ADAMTSL1: variants seen among roughly 807,000 people sequenced by gnomAD.
ADAMTSL1 encodes the protein ADAMTS-like protein 1.
A neutral mutation model predicts 201.8 loss-of-function variants in ADAMTSL1; 126 were observed. That is an observed-to-expected ratio of 0.62 (90% CI 0.54 to 0.72). ADAMTSL1 has a LOEUF of 0.72. Among genes scored for constraint, ADAMTSL1 ranks in the 30% least tolerant of loss-of-function variants. The probability of loss-of-function intolerance (pLI) is 0.00; values close to 1 mark genes in which losing one functional copy is unlikely to be tolerated. For missense variants in ADAMTSL1, 2,679 were observed against 2,277.8 expected (o/e 1.18, Z -3.59); for synonymous variants, 1,121 against 903.4 (o/e 1.24, Z -4.32).
intron 5 of ADAMTSL1, among the ~76,000 whole-genome samples, chr9:18,625,076 G>T (rs1429495450): frequency 6.6e-6 from 1 of 152,110 alleles, no homozygotes; most frequent in Non-Finnish European, 1.5e-5. Flanking sequence ...CGACCCACTG[G>T]CAGGGAACAT....
At chr9:18,802,003 A>G (rs1489688342) in intron 20 of ADAMTSL1, among the ~76,000 whole-genome samples, 3 of 152,188 alleles carry the variant, frequency 2.0e-5, no homozygotes, top group Admixed American at 6.5e-5. Context: ...GTGGCCGGGC[A>G]CAGTGACTCA....
intron 2 of ADAMTSL1, among the ~76,000 whole-genome samples, chr9:18,272,657 G>T (rs1015425689): frequency 6.6e-6 from 1 of 152,154 alleles, no homozygotes. Flanking sequence ...CTAAGAGAAG[G>T]CACACATGTT....
chr9:17,945,498 T>C (rs1827423217), intron 1 of ADAMTSL1, among the ~76,000 whole-genome samples: 1 of 151,846 alleles, frequency 6.6e-6, no homozygotes, highest in Non-Finnish European at 1.5e-5. Flanking sequence ...ATCATGTGGC[T>C]GTAAAGACAC....
chr9:18,085,509 C>CAT (rs140122832), intron 1 of ADAMTSL1, among the ~76,000 whole-genome samples: 53 of 144,884 alleles, frequency 3.7e-4, no homozygotes, highest in East Asian at 8.3e-4. Flanking sequence ...ACTGTGTGTG[C>CAT]ATATATATAT....
intron 2 of ADAMTSL1, among the ~76,000 whole-genome samples, chr9:18,289,017 A>G (rs896538404): frequency 2.0e-5 from 3 of 152,236 alleles, no homozygotes; most frequent in African/African-American, 7.2e-5. Context: ...TTTAAACTGT[A>G]AATTATATGA....
At chr9:18,476,672 T>A (rs1049818010) in intron 1 of ADAMTSL1, among the ~76,000 whole-genome samples, 2 of 121,292 alleles carry the variant, frequency 1.6e-5, no homozygotes, top group Non-Finnish European at 4.3e-5. Flanking sequence ...TCCTATAGTC[T>A]TTTTTTTGTT....
At chr9:18,268,513 CTA>C (rs1274025187) in intron 2 of ADAMTSL1, among the ~76,000 whole-genome samples, 16 of 152,146 alleles carry the variant, frequency 1.1e-4, no homozygotes, top group African/African-American at 3.9e-4. Flanking sequence ...ACATTGAAAA[CTA>C]TGACACATGT....
chr9:18,595,969 C>G (rs1311783009), intron 4 of ADAMTSL1, among the ~76,000 whole-genome samples: 1 of 152,280 alleles, frequency 6.6e-6, no homozygotes, highest in East Asian at 1.9e-4. Flanking sequence ...AAGGCTCAAA[C>G]AGAGAGACTT....
chr9:18,866,348 A>T (rs1446646695), intron 23 of ADAMTSL1, among the ~76,000 whole-genome samples: 1 of 152,184 alleles, frequency 6.6e-6, no homozygotes. Flanking sequence ...AAATATGTAC[A>T]TAAAATTACA....
chr9:18,295,501 G>T (rs1833442756), intron 2 of ADAMTSL1, among the ~76,000 whole-genome samples: 1 of 152,078 alleles, frequency 6.6e-6, no homozygotes, highest in Non-Finnish European at 1.5e-5. Context: ...ACCATGTCCA[G>T]ATAATTTTTT....
chr9:18,910,858 C>A lies in ADAMTSL1; in HGVS notation c.*2310C>A, dbSNP rs1830562117. 6.6e-6 allele frequency: 1 copy of A among 152,250 alleles called. No individual in the cohort carries two copies. The highest frequency in any genetic ancestry group is 1.5e-5 in the Non-Finnish European group (1 of 68,046). The allele number at this position is 152,250 out of a possible 1,614,324, so 9.4% of individuals were successfully genotyped here. On this transcript the variant is annotated 3_prime_UTR_variant, in exon 29 of 29. Transcript: ENST00000380548. ...CAGCAGCACCACAAGACAATGAAGGCTGCTGGCTAATGTGGAAGGAGGCAC... is the reference window on the plus strand; with the variant it reads ...CAGCAGCACCACAAGACAATGAAGGATGCTGGCTAATGTGGAAGGAGGCAC...
Position 18,776,794 on chromosome 9 carries a change from A to G in ADAMTSL1, c.2565A>G (p.Pro855=). ...MLATCARPGR[P]STKHSPHIAA... is the part of the protein sequence containing the mutation. ...CTCTCCTTCCAGGGCCCGGGCGGCC[A>G]TCCACGAAGCACAGCCCGCACATCG... The change falls in exon 19 of 29, where the codon CCA becomes CCG. Residue 855 remains proline (P), a synonymous_variant. Transcript: ENST00000380548. 1 of 1,552,784 alleles carries G rather than the reference A, an allele frequency of 6.4e-7. No homozygotes were observed.
intron 21 of ADAMTSL1, among the ~76,000 whole-genome samples, chr9:18,820,367 T>C (rs1824135791): frequency 1.3e-5 from 2 of 152,208 alleles, no homozygotes; most frequent in African/African-American, 4.8e-5. Flanking sequence ...GTTGTTGTTT[T>C]CTTATTATAA....
chr9:18,585,005 G>A (rs912414979), intron 4 of ADAMTSL1, among the ~76,000 whole-genome samples: 3 of 152,184 alleles, frequency 2.0e-5, no homozygotes, highest in South Asian at 2.1e-4. Flanking sequence ...CTGTCTCTTC[G>A]ATCTAGGTTT....
chr9:18,863,002 A>G (rs1461687750), intron 23 of ADAMTSL1, among the ~76,000 whole-genome samples: 1 of 152,166 alleles, frequency 6.6e-6, no homozygotes, highest in Admixed American at 6.5e-5. Flanking sequence ...CAGTACTGTG[A>G]ACTTTTAAAA....
chr9:18,424,172 T>G (rs1205390752), intron 2 of ADAMTSL1, among the ~76,000 whole-genome samples: 2 of 152,150 alleles, frequency 1.3e-5, no homozygotes, highest in Non-Finnish European at 2.9e-5. Flanking sequence ...GGTGAAAGAG[T>G]AGACAAGAAG....
rs542314374 is a variant in ADAMTSL1, at chr9:18,433,610, G to A, written c.208-71219G>A. On this transcript the variant is annotated intron_variant, in intron 2 of 29. Transcript: ENST00000680146. ...AACTGGGCAACTACTCAGAAAGGTC[G>A]AATTCAAGGCAAAATTTGAAAAGGA... Among the ~76,000 whole-genome samples the A allele has an allele frequency of 1.6e-3, 242 of 152,142 alleles. 1 individual carries two copies. Among genetic ancestry groups the A allele is most frequent in the African/African-American group, 5.6e-3 (231 of 41,542 alleles).
chr9:18,532,016 T>C (rs115470471), intron 2 of ADAMTSL1, among the ~76,000 whole-genome samples: 2 of 152,174 alleles, frequency 1.3e-5, no homozygotes, highest in African/African-American at 4.8e-5. Flanking sequence ...TTAAATAAAT[T>C]TATACATATA....
At chr9:17,945,105 A>C (rs1255348645) in intron 1 of ADAMTSL1, among the ~76,000 whole-genome samples, 6 of 102,348 alleles carry the variant, frequency 5.9e-5, no homozygotes, top group Non-Finnish European at 1.2e-4. Context: ...CAATGAACTC[A>C]AACAAATTTA....
Sources: allele counts gnomAD v4.1 joint callset (sites outside exome capture counted in the v4.1 genomes callset), GRCh38; gene constraint gnomAD v4.1.1; transcripts MANE v1.5; gene names NCBI Gene and HGNC (gene_info 2026-07-23, HGNC 2026-07-21).